SGCZ: variants seen among roughly 807,000 people sequenced by gnomAD.
The protein encoded by SGCZ is sarcoglycan zeta, also known as zeta-sarcoglycan.
Under a neutral mutation model 41.3 loss-of-function variants are expected in SGCZ, and 40 were observed. That is an observed-to-expected ratio of 0.97 (90% confidence interval 0.75 to 1.26). The LOEUF (loss-of-function observed/expected upper bound fraction) is 1.26. SGCZ is among the 50% of genes most tolerant of loss of function. The probability of loss-of-function intolerance (pLI) is 0.00; values close to 1 mark genes in which losing one functional copy is unlikely to be tolerated. For synonymous variants in SGCZ, 206 were observed against 137.5 expected, an observed-to-expected ratio of 1.50 and a Z score of -3.49; for missense variants, 552 against 369.8, an observed-to-expected ratio of 1.49 and a Z score of -4.04.
At chr8:14,525,723 T>A (rs190394519) in intron 2 of SGCZ, among the ~76,000 whole-genome samples, 1 of 152,232 alleles carries the variant, frequency 6.6e-6, no homozygotes, top group Non-Finnish European at 1.5e-5. Flanking sequence ...TCTTCAAGCT[T>A]ATTTCAAACG....
rs139779652 is a variant in SGCZ, at chr8:14,204,984, G to A, written c.424+32608C>T. Among the ~76,000 whole-genome samples, 3 of 152,080 alleles carry A rather than the reference G, an allele frequency of 2.0e-5. No individual in the cohort carries two copies. In the East Asian group the frequency reaches 5.8e-4, roughly 29 times the overall value. ...GGACTTCTCAGCCTCCATATTAATAGGAACCTATATCCTCTCACCCATACG... is the reference window on the plus strand; with the variant it reads ...GGACTTCTCAGCCTCCATATTAATAAGAACCTATATCCTCTCACCCATACG... On this transcript the variant is annotated intron_variant, in intron 4 of 7. Transcript: ENST00000382080.
chr8:14,861,381 T>C (rs1338673498), intron 1 of SGCZ, among the ~76,000 whole-genome samples: 2 of 152,090 alleles, frequency 1.3e-5, no homozygotes, highest in African/African-American at 2.4e-5. Flanking sequence ...AAATAAAGAA[T>C]AGAGATAACT....
rs549121491 is a variant in SGCZ, at chr8:14,630,189, C to T, written c.40-75263G>A. On this transcript the variant is annotated intron_variant, in intron 1 of 7. Coordinates refer to ENST00000382080, the MANE Select transcript of SGCZ (RefSeq NM_139167.4). ...TGGGGTAACAGTATAGTATGCTCCT[C>T]ATGTGGGCATACAAATTCATCAAAG... Among the ~76,000 whole-genome samples, 7 of 151,910 alleles carry T rather than the reference C, an allele frequency of 4.6e-5. No homozygotes were observed. In the South Asian group the frequency reaches 1.5e-3, roughly 32 times the overall value.
intron 1 of SGCZ, among the ~76,000 whole-genome samples, chr8:15,094,115 T>A (rs73205451): frequency 0.013 from 1,925 of 152,092 alleles, 15 homozygotes; most frequent in Non-Finnish European, 0.021. Context: ...ACGGCAGTTG[T>A]TTTATTTATT....
Position 14,616,508 on chromosome 8 carries a change from G to C in SGCZ, c.40-61582C>G, listed in dbSNP as rs1463909695. 6.6e-5 allele frequency among the ~76,000 whole-genome samples: 10 copies of C among 152,030 alleles called. No individual in the cohort carries two copies. The East Asian group carries it at 1.4e-3, about 21-fold the overall frequency. On this transcript the variant is annotated intron_variant, in intron 1 of 7. Transcript: ENST00000382080. The stretch of plus-strand genomic sequence containing the variant: ...TTAACCTAAAAAACTATATAAATTA[G>C]TGTTAGCCATGACAGAAAATCATCA...
intron 5 of SGCZ, among the ~76,000 whole-genome samples, chr8:14,121,457 C>A (rs1802693562): frequency 1.3e-5 from 2 of 151,730 alleles, no homozygotes. Context: ...TTTAAAGTAC[C>A]CGTTTAATTA....
chr8:14,960,581 A>G (rs906176689), intron 1 of SGCZ, among the ~76,000 whole-genome samples: 9 of 152,102 alleles, frequency 5.9e-5, no homozygotes, highest in African/African-American at 1.2e-4. Context: ...AGCAGCTACA[A>G]TAGTCACTGT....
At chr8:14,470,776 CAAAA>C (rs1371671873) in intron 2 of SGCZ, among the ~76,000 whole-genome samples, 4 of 152,088 alleles carry the variant, frequency 2.6e-5, no homozygotes, top group Non-Finnish European at 5.9e-5. Context: ...GGAAAGACCT[CAAAA>C]GAAAGTCATT....
At chr8:14,755,649 G>A (rs1457203893) in intron 1 of SGCZ, among the ~76,000 whole-genome samples, 1 of 152,092 alleles carries the variant, frequency 6.6e-6, no homozygotes, top group Non-Finnish European at 1.5e-5. Context: ...GTAATCTGGT[G>A]TAGAATTAGA....
At chr8:14,616,175 C>T (rs761201581) in intron 1 of SGCZ, among the ~76,000 whole-genome samples, 5 of 151,460 alleles carry the variant, frequency 3.3e-5, no homozygotes, top group South Asian at 4.2e-4. Context: ...CCCAGCTACT[C>T]GGGAGGCTGA....
intron 2 of SGCZ, among the ~76,000 whole-genome samples, chr8:14,491,689 C>G (rs796911401): frequency 6.6e-6 from 1 of 152,050 alleles, no homozygotes; most frequent in African/African-American, 2.4e-5. Flanking sequence ...GAAAAGAAGA[C>G]AAGAAATAAA....
chr8:14,752,138 A>G (rs1799520037), intron 1 of SGCZ, among the ~76,000 whole-genome samples: 1 of 150,442 alleles, frequency 6.6e-6, no homozygotes. Context: ...AAGCCAAAAA[A>G]AAAAAAAAAA....
At chr8:14,654,724 G>A (rs1156878245) in intron 1 of SGCZ, among the ~76,000 whole-genome samples, 4 of 150,080 alleles carry the variant, frequency 2.7e-5, no homozygotes, top group Admixed American at 2.0e-4. Context: ...GGCACGCACC[G>A]CCATGCCCAG....
chr8:14,195,230 G>A (rs1805229649), intron 4 of SGCZ, among the ~76,000 whole-genome samples: 1 of 151,928 alleles, frequency 6.6e-6, no homozygotes, highest in Admixed American at 6.6e-5. Flanking sequence ...GAAAAGTCAG[G>A]GACATGTATT....
intron 1 of SGCZ, among the ~76,000 whole-genome samples, chr8:15,176,055 G>T (rs1209896612): frequency 1.3e-5 from 2 of 152,102 alleles, no homozygotes; most frequent in African/African-American, 4.8e-5. Flanking sequence ...GTGAAAAAAT[G>T]GAAGAAATTC....
chr8:14,644,987 G>GTGGCC (rs1807159714), intron 1 of SGCZ, among the ~76,000 whole-genome samples: 2 of 150,860 alleles, frequency 1.3e-5, no homozygotes, highest in East Asian at 3.9e-4. Flanking sequence ...TCGTTAGACT[G>GTGGCC]TGGCCTACAG....
intron 1 of SGCZ, among the ~76,000 whole-genome samples, chr8:14,726,307 AATACATATATATATATCTAT>A (rs1810050290): frequency 2.6e-5 from 2 of 75,850 alleles, no homozygotes; most frequent in Non-Finnish European, 6.4e-5. Flanking sequence ...TATATGTGTA[AATACATATATATATATCTAT>A]ATATATATAT....
At chr8:14,976,442 C>A (rs961117284) in intron 1 of SGCZ, among the ~76,000 whole-genome samples, 1 of 152,122 alleles carries the variant, frequency 6.6e-6, no homozygotes, top group Non-Finnish European at 1.5e-5. Flanking sequence ...ATATTACTAT[C>A]TTTAGTTATC....
chr8:15,113,737 A>G (rs1807158707), intron 1 of SGCZ, among the ~76,000 whole-genome samples: 1 of 152,172 alleles, frequency 6.6e-6, no homozygotes, highest in Non-Finnish European at 1.5e-5. Context: ...CAGCTCGTTG[A>G]TTCATGTCCA....
Sources: allele counts gnomAD v4.1 joint callset (sites outside exome capture counted in the v4.1 genomes callset), GRCh38; gene constraint gnomAD v4.1.1; transcripts MANE v1.5; gene names NCBI Gene and HGNC (gene_info 2026-07-23, HGNC 2026-07-21).